The following DTX1 variants were observed in gnomAD, a reference collection of about 807,000 sequenced individuals.
The protein encoded by DTX1 is deltex E3 ubiquitin ligase 1.
In DTX1, 26 loss-of-function variants were observed where a neutral mutation model predicts 57.8. The observed-to-expected ratio is 0.45, with a 90% CI of 0.33 to 0.62. The LOEUF is 0.62. DTX1 is among the 20% of genes least tolerant of loss of function. The probability of loss-of-function intolerance (pLI) is 0.02; values close to 1 mark genes in which losing one functional copy is unlikely to be tolerated. For missense variants in DTX1, 704 were observed against 895.3 expected, an observed-to-expected ratio of 0.79 and a Z score of 2.73; for synonymous variants, 398 against 394.1, an observed-to-expected ratio of 1.01 and a Z score of -0.12.
intron 2 of DTX1, among the ~76,000 whole-genome samples, chr12:113,062,322 C>T (rs1357946631): frequency 6.6e-6 from 1 of 152,104 alleles, no homozygotes; most frequent in Non-Finnish European, 1.5e-5. Flanking sequence ...TCAACTCTAT[C>T]GGAGCAGAAA....
chr12:113,070,762 G>A lies in DTX1; in HGVS notation c.260-6662G>A, dbSNP rs115228516. Among the ~76,000 whole-genome samples the A allele has an allele frequency of 5.4e-3, 820 of 152,340 alleles. 6 individuals carry two copies. The highest frequency in any genetic ancestry group is 0.019 in the African/African-American group (778 of 41,574). On this transcript the variant is annotated intron_variant, in intron 2 of 9. Coordinates refer to ENST00000548759, the MANE Select transcript of DTX1 (RefSeq NM_004416.3). ...GGCTGTGCTACCACTTGGTGAGGTTGAACCCCATGGAACCAGTCCAACCTG... is the reference window on the plus strand; with the variant it reads ...GGCTGTGCTACCACTTGGTGAGGTTAAACCCCATGGAACCAGTCCAACCTG...
chr12:113,094,225 G>GT (rs1950269062), intron 6 of DTX1, 126 bp downstream of exon 6: 7 of 765,506 alleles, frequency 9.1e-6, no homozygotes, highest in Non-Finnish European at 1.5e-5. Flanking sequence ...ACTTTATGAG[G>GT]TTTTTTGATG....
At position 113,094,118 on chromosome 12, in the gene DTX1, G is replaced by C. The variant is rs199883523; in HGVS notation, c.1227+19G>C. ...TGATGAGGTGAGGAGGGGATGGGGG[G>C]GCTGGGGGAGGGCCCTGGCATGGAG... On this transcript the variant is annotated intron_variant, in intron 6 of 9. Coordinates refer to ENST00000548759, the MANE Select transcript of DTX1 (RefSeq NM_004416.3). 2.7e-6 allele frequency: 4 copies of C among 1,475,088 alleles called. No individual in the cohort carries two copies. The highest frequency in any genetic ancestry group is 2.8e-5 in the African/African-American group (2 of 71,816). The allele number at this position is 1,475,088 out of a possible 1,614,324, so 91.4% of individuals were successfully genotyped here. A position where few individuals can be genotyped will look rare whatever the true frequency, so the allele number is the denominator to read the frequency against.
chr12:113,078,688 G>C (rs1251941080), intron 3 of DTX1, among the ~76,000 whole-genome samples: 1 of 152,158 alleles, frequency 6.6e-6, no homozygotes, highest in Non-Finnish European at 1.5e-5. Context: ...TCCAAAGTCT[G>C]TGCTGTGTTG....
At chr12:113,066,793 G>T (rs2044706452) in intron 2 of DTX1, among the ~76,000 whole-genome samples, 1 of 152,130 alleles carries the variant, frequency 6.6e-6, no homozygotes. Context: ...TGTTCTGGGG[G>T]TGAGGGGTGG....
At chr12:113,072,621 C>A (rs1273014519) in intron 2 of DTX1, among the ~76,000 whole-genome samples, 2 of 151,956 alleles carry the variant, frequency 1.3e-5, no homozygotes, top group Non-Finnish European at 1.5e-5. Flanking sequence ...GATATTAATA[C>A]CCCCATTTTA....
At position 113,093,994 on chromosome 12, in the gene DTX1, C is replaced by T. The variant is rs1329734706; in HGVS notation, c.1166-44C>T. The stretch of plus-strand genomic sequence containing the variant: ...CAGTTCTGAGCCAAGCCTTCGGGGA[C>T]AGACTCTGGGTACCCTCAAACCCAC... On this transcript the variant is annotated intron_variant, in intron 5 of 9. Transcript: ENST00000548759. The surrounding 1 kb of genome is among the most constrained non-coding windows in gnomAD (Gnocchi z 4.2). 21 of 1,559,324 alleles carry T rather than the reference C, an allele frequency of 1.3e-5. No individual in the cohort carries two copies. Among genetic ancestry groups the T allele is most frequent in the Non-Finnish European group, 1.7e-5 (19 of 1,150,204 alleles).
In DTX1 at chr12:113,077,406, T is replaced by A. The variant is rs1195495649; in HGVS notation, c.260-18T>A. 2.6e-6 allele frequency: 4 copies of A among 1,548,774 alleles called. No individual in the cohort carries two copies. In the South Asian group the frequency reaches 4.6e-5, roughly 18 times the overall value. ...CAACGCCCGCTGTGCTGACGCCTCC[T>A]CCCCATTTCGAGTACAGGCACCATG... On this transcript the variant is annotated intron_variant, in intron 2 of 9. Coordinates refer to ENST00000548759, the MANE Select transcript of DTX1 (RefSeq NM_004416.3). The surrounding 1 kb of genome is among the most constrained non-coding windows in gnomAD (Gnocchi z 7.8).
At chr12:113,094,005 T>G in intron 5 of DTX1, 33 bp from the exon 6 acceptor site, 1 of 1,563,146 alleles carries the variant, frequency 6.4e-7, no homozygotes, top group Non-Finnish European at 8.7e-7. Flanking sequence ...AGACTCTGGG[T>G]ACCCTCAAAC....
chr12:113,059,727 C>T (rs151073350), intron 2 of DTX1, among the ~76,000 whole-genome samples: 2 of 152,230 alleles, frequency 1.3e-5, no homozygotes, highest in East Asian at 1.9e-4. Context: ...CAGAACCACA[C>T]GTAATAACCC....
chr12:113,077,418 G>C lies in DTX1; in HGVS notation c.260-6G>C, dbSNP rs756802835. 2 of 1,599,088 alleles carry C rather than the reference G, an allele frequency of 1.3e-6. No individual in the cohort carries two copies. The highest frequency in any genetic ancestry group is 8.5e-7 in the Non-Finnish European group (1 of 1,176,068). ...TGCTGACGCCTCCTCCCCATTTCGA[G>C]TACAGGCACCATGCGGCCCGTGCGG... On this transcript the variant is annotated splice_polypyrimidine_tract_variant and splice_region_variant and intron_variant, in intron 2 of 9. Coordinates refer to ENST00000548759, the MANE Select transcript of DTX1 (RefSeq NM_004416.3). The surrounding 1 kb of genome is among the most constrained non-coding windows in gnomAD (Gnocchi z 7.8).
rs186617475 is a variant in DTX1, at chr12:113,094,432, G to T, written c.1227+333G>T. Among the ~76,000 whole-genome samples the T allele has an allele frequency of 2.0e-5, 3 of 152,264 alleles. No homozygotes were observed. In the East Asian group the frequency reaches 5.8e-4, roughly 29 times the overall value. ...ATCAGAATTCAATATATGGGAAGGG[G>T]CTGGGTGCAGTGGCTCATCCCTGTA... On this transcript the variant is annotated intron_variant, in intron 6 of 9. Coordinates refer to ENST00000548759, the MANE Select transcript of DTX1 (RefSeq NM_004416.3).
In DTX1 at chr12:113,093,428, A is replaced by G; in HGVS notation, c.1004-111A>G. 1 of 1,357,698 alleles carries G rather than the reference A, an allele frequency of 7.4e-7. No homozygotes were observed. The highest frequency in any genetic ancestry group is 9.8e-7 in the Non-Finnish European group (1 of 1,022,718). The allele number at this position is 1,357,698 out of a possible 1,614,324, so 84.1% of individuals were successfully genotyped here. On this transcript the variant is annotated intron_variant, in intron 4 of 9. Transcript: ENST00000548759. This position sits in a 1 kb window ranked among gnomAD's most constrained non-coding sequence, Gnocchi z 4.2. ...TCAAGGGGCTGAGTGGGTGGGGCCC[A>G]AGAGCGCAACCCTCCCACCCACCCG...
intron 2 of DTX1, among the ~76,000 whole-genome samples, chr12:113,068,280 C>T (rs1242469935): frequency 6.6e-6 from 1 of 152,214 alleles, no homozygotes; most frequent in Admixed American, 6.5e-5. Flanking sequence ...GTAAACCAGC[C>T]CAGCCTTGGA....
intron 3 of DTX1, among the ~76,000 whole-genome samples, chr12:113,084,485 A>G (rs552328601): frequency 1.3e-5 from 2 of 152,294 alleles, no homozygotes; most frequent in Admixed American, 6.5e-5. Flanking sequence ...TCCTGGGCTC[A>G]AGCAATCCTC....
chr12:113,094,915 T>G lies in DTX1; in HGVS notation c.1354T>G (p.Cys452Gly). The G allele has an allele frequency of 6.2e-7, 1 of 1,613,586 alleles. No individual in the cohort carries two copies. The highest frequency in any genetic ancestry group is 8.5e-7 in the Non-Finnish European group (1 of 1,179,886). Reference sequence around the variant, plus strand: ...CTGTGGCCACATGTACCACCTGCTGTGCCTCGTGGCCATGTACTCCAATGG... The same window carrying G: ...CTGTGGCCACATGTACCACCTGCTGGGCCTCGTGGCCATGTACTCCAATGG... ...GRCGHMYHLL[C>G]LVAMYSNGNK... The change falls in exon 7 of 10, where the codon TGC (cysteine) becomes GGC (glycine). Residue 452 changes from cysteine (C) to glycine (G), a missense_variant. By Grantham distance (159) the Cys-to-Gly change is radical. This residue lies in a region of DTX1 where 168 missense variants were observed against 255.6 expected (regional missense o/e 0.66). Coordinates refer to ENST00000548759, the MANE Select transcript of DTX1 (RefSeq NM_004416.3).
intron 2 of DTX1, among the ~76,000 whole-genome samples, chr12:113,075,897 A>G (rs2044768021): frequency 6.6e-6 from 1 of 152,148 alleles, no homozygotes; most frequent in African/African-American, 2.4e-5. Context: ...TGCTGTGTGC[A>G]GGTGCTGGGG....
intron 2 of DTX1, among the ~76,000 whole-genome samples, chr12:113,066,510 AGAGT>A (rs2044704287): frequency 6.6e-6 from 1 of 151,196 alleles, no homozygotes; most frequent in African/African-American, 2.5e-5. Flanking sequence ...CCTGAGTAAC[AGAGT>A]GAGACTCCGT....
intron 3 of DTX1, 143 bp downstream of exon 3, chr12:113,078,248 C>A: frequency 1.4e-6 from 1 of 731,846 alleles, no homozygotes; most frequent in Non-Finnish European, 1.8e-6. Flanking sequence ...ACTAAATGTT[C>A]ATTTTGTGCC....
Sources: gnomAD v4.1 joint callset for allele counts (sites outside exome capture counted in the v4.1 genomes callset) on GRCh38, gnomAD v4.1.1 for gene constraint, gnomAD v4.1.1 regional missense constraint, Gnocchi (gnomAD v3.1) non-coding constraint, MANE v1.5 for transcripts, NCBI Gene and HGNC (gene_info 2026-07-23, HGNC 2026-07-21) for gene names.